The following GALNT13 variants were observed in gnomAD, a reference collection of about 807,000 sequenced individuals.
The protein encoded by GALNT13 is UDP-GalNAc:polypeptide N-acetylgalactosaminyltransferase 13.
GALNT13 carries 28 observed loss-of-function variants against 64.2 expected under a neutral mutation model. That is an observed-to-expected ratio of 0.44 (90% CI 0.32 to 0.60). The LOEUF (loss-of-function observed/expected upper bound fraction) is 0.60, where lower values mean the gene tolerates loss of function less well. GALNT13 is among the 20% of genes least tolerant of loss of function. The pLI is 0.05. For missense variants in GALNT13, 577 were observed against 669.8 expected (o/e 0.86, Z 1.53); for synonymous variants, 214 against 224.6 (o/e 0.95, Z 0.42).
rs1687082822 is a variant in GALNT13 at position 154,199,940 on chromosome 2, T to G, written c.312-42090T>G. Among the ~76,000 whole-genome samples the G allele has an allele frequency of 3.9e-5, 6 of 152,110 alleles. 1 individual carries two copies. Among genetic ancestry groups the G allele is most frequent in the Admixed American group, 3.3e-4 (5 of 15,252 alleles). ...TCAGAGATGCATTATATCCTTGATT[T>G]TATAATTACCGAGCAAGAATTCCAG... is the stretch of plus-strand genomic sequence containing the variant. On this transcript the variant is annotated intron_variant, in intron 4 of 12. Coordinates refer to ENST00000392825, the MANE Select transcript of GALNT13 (RefSeq NM_052917.4).
the GALNT13 span, among the ~76,000 whole-genome samples, chr2:153,802,724 TTCAA>T: frequency 1.2e-4 from 19 of 152,232 alleles, no homozygotes; most frequent in Admixed American, 5.9e-4. Flanking sequence ...TTCATTTCTG[TTCAA>T]TCAATTTCCA....
chr2:153,916,328 T>C (rs917508510), intron 2 of GALNT13, among the ~76,000 whole-genome samples: 4 of 152,034 alleles, frequency 2.6e-5, no homozygotes, highest in Non-Finnish European at 4.4e-5. Flanking sequence ...GGCTAATTTT[T>C]AAATTTTTAG....
At chr2:154,208,183 C>CA (rs1399112696) in intron 4 of GALNT13, among the ~76,000 whole-genome samples, 3 of 152,064 alleles carry the variant, frequency 2.0e-5, no homozygotes, top group Non-Finnish European at 4.4e-5. Context: ...AATATCATAT[C>CA]ACTTAATTGG....
At chr2:153,631,770 T>G in the GALNT13 span, among the ~76,000 whole-genome samples, 1 of 152,232 alleles carries the variant, frequency 6.6e-6, no homozygotes, top group African/African-American at 2.4e-5. Context: ...CTGTTCACTC[T>G]GATGGTAGTT....
intron 3 of GALNT13, among the ~76,000 whole-genome samples, chr2:153,975,612 G>A (rs1375612666): frequency 6.6e-6 from 1 of 152,024 alleles, no homozygotes; most frequent in Non-Finnish European, 1.5e-5. Flanking sequence ...ACTCTACCGT[G>A]GATGAAACTG....
At chr2:153,393,604 G>A in the GALNT13 span, among the ~76,000 whole-genome samples, 1 of 151,974 alleles carries the variant, frequency 6.6e-6, no homozygotes, top group African/African-American at 2.4e-5. Flanking sequence ...TGGCTAGGTC[G>A]TGGTACCTGG....
chr2:153,484,546 A>G, the GALNT13 span, among the ~76,000 whole-genome samples: 1 of 152,186 alleles, frequency 6.6e-6, no homozygotes, highest in Non-Finnish European at 1.5e-5. Context: ...TTGTTTGCCA[A>G]AAAAGGTGTA....
chr2:153,271,271 G>A, the GALNT13 span, among the ~76,000 whole-genome samples: 1 of 152,146 alleles, frequency 6.6e-6, no homozygotes, highest in Non-Finnish European at 1.5e-5. Flanking sequence ...TCTGGCTAGG[G>A]CAATCAGACA....
At chr2:153,197,365 C>G in the GALNT13 span, among the ~76,000 whole-genome samples, 1 of 152,204 alleles carries the variant, frequency 6.6e-6, no homozygotes, top group Admixed American at 6.5e-5. Context: ...CAAAGGTGTG[C>G]ATGGACATAG....
chr2:154,178,020 C>T (rs140446094), intron 4 of GALNT13, among the ~76,000 whole-genome samples: 5 of 152,128 alleles, frequency 3.3e-5, no homozygotes, highest in Non-Finnish European at 5.9e-5. Flanking sequence ...TTAATTCATT[C>T]AGTAATTGCA....
chr2:153,950,951 T>C (rs1454473138), intron 3 of GALNT13, among the ~76,000 whole-genome samples: 6 of 151,998 alleles, frequency 3.9e-5, no homozygotes, highest in Non-Finnish European at 8.8e-5. Context: ...AGTTGTATCC[T>C]TCAAAGATTA....
At chr2:153,766,314 G>A in the GALNT13 span, among the ~76,000 whole-genome samples, 1 of 152,004 alleles carries the variant, frequency 6.6e-6, no homozygotes, top group Non-Finnish European at 1.5e-5. Flanking sequence ...ATGTTTGATA[G>A]TTTGATTATT....
chr2:153,447,059 C>T, the GALNT13 span, among the ~76,000 whole-genome samples: 1 of 152,196 alleles, frequency 6.6e-6, no homozygotes, highest in Non-Finnish European at 1.5e-5. Context: ...AATATCTTGG[C>T]TTCAGATTAA....
the GALNT13 span, among the ~76,000 whole-genome samples, chr2:153,083,418 T>A: frequency 5.9e-5 from 9 of 152,222 alleles, no homozygotes; most frequent in African/African-American, 2.2e-4. Flanking sequence ...TTTTGATTTT[T>A]AAATTATGGC....
the GALNT13 span, among the ~76,000 whole-genome samples, chr2:153,094,836 T>C: frequency 3.9e-5 from 6 of 152,206 alleles, no homozygotes; most frequent in Admixed American, 6.5e-5. Flanking sequence ...CCTAGCCATA[T>C]GTAGAAAGCT....
At chr2:153,282,225 C>A in the GALNT13 span, among the ~76,000 whole-genome samples, 1 of 151,976 alleles carries the variant, frequency 6.6e-6, no homozygotes, top group Non-Finnish European at 1.5e-5. Flanking sequence ...TTTTTCAATT[C>A]CAAATGCTCT....
the GALNT13 span, among the ~76,000 whole-genome samples, chr2:153,407,253 A>G: frequency 3.5e-4 from 54 of 152,304 alleles, no homozygotes; most frequent in African/African-American, 1.2e-3. Flanking sequence ...GTGTTTTAAT[A>G]AGAGTTACAG....
intron 3 of GALNT13, among the ~76,000 whole-genome samples, chr2:154,091,274 G>A (rs945795515): frequency 1.3e-5 from 2 of 151,822 alleles, no homozygotes; most frequent in African/African-American, 4.8e-5. Context: ...TTATGTACTT[G>A]TATAGCCATA....
At chr2:154,423,549 T>C (rs565064605) in intron 11 of GALNT13, among the ~76,000 whole-genome samples, 10 of 152,320 alleles carry the variant, frequency 6.6e-5, no homozygotes, top group Admixed American at 2.6e-4. Context: ...GCATTCCTAT[T>C]TCTCCACATC....
Sources: gnomAD v4.1 joint callset for allele counts (sites outside exome capture counted in the v4.1 genomes callset) on GRCh38, gnomAD v4.1.1 for gene constraint, MANE v1.5 for transcripts, NCBI Gene and HGNC (gene_info 2026-07-23, HGNC 2026-07-21) for gene names.